Variants in RYR1 observed in about 807,000 individuals in gnomAD.
The protein encoded by RYR1 is central core disease of muscle.
A neutral mutation model predicts 583.5 loss-of-function variants in RYR1; 342 were observed. The ratio of observed to expected loss-of-function variants is 0.59; its 90% CI spans 0.54 to 0.64. The LOEUF (loss-of-function observed/expected upper bound fraction) is 0.64. Ranked by LOEUF, RYR1 falls within the 30% of genes least tolerant of loss-of-function variation. The probability of loss-of-function intolerance (pLI) is 0.00; values close to 1 mark genes in which losing one functional copy is unlikely to be tolerated. For synonymous variants in RYR1, 2,791 were observed against 2,822.5 expected (o/e 0.99, Z 0.35); for missense variants, 6,032 against 6,917.2 (o/e 0.87, Z 4.54).
Position 38,570,606 on chromosome 19 carries a change from G to A in RYR1, c.13660-1G>A. On this transcript the variant is annotated splice_acceptor_variant, in intron 93 of 105. Coordinates refer to ENST00000359596, the MANE Select transcript of RYR1 (RefSeq NM_000540.3). LOFTEE classifies it high-confidence loss of function. ...TTCTCTCTTTTTCTCTTCTCTCTCA[G>A]AACTACCTGTCCCGGAACTTTTACA... 1.2e-6 allele frequency: 2 copies of A among 1,613,328 alleles called. No individual in the cohort carries two copies. The highest frequency in any genetic ancestry group is 1.7e-6 in the Non-Finnish European group (2 of 1,179,318).
chr19:38,562,818 C>T (rs1437174813), intron 90 of RYR1, among the ~76,000 whole-genome samples: 1 of 152,250 alleles, frequency 6.6e-6, no homozygotes, highest in African/African-American at 2.4e-5. Flanking sequence ...CTTTTGGCAT[C>T]TTCCCATGCC....
chr19:38,436,328 C>G (rs989258312), intron 1 of RYR1, among the ~76,000 whole-genome samples: 1 of 152,120 alleles, frequency 6.6e-6, no homozygotes, highest in Non-Finnish European at 1.5e-5. Flanking sequence ...CCACCTCAGC[C>G]TCCTGAGTAG....
intron 97 of RYR1, 98 bp downstream of exon 97, chr19:38,576,059 G>T: frequency 1.4e-6 from 2 of 1,439,144 alleles, no homozygotes; most frequent in East Asian, 2.3e-5. Context: ...GTGACCTTGG[G>T]CAAGAGGTTT....
chr19:38,538,953 G>A (rs1972087774), intron 84 of RYR1, among the ~76,000 whole-genome samples: 1 of 152,098 alleles, frequency 6.6e-6, no homozygotes, highest in African/African-American at 2.4e-5. Context: ...TCAAGATTGT[G>A]GTTATAACCT....
At chr19:38,508,539 C>G (rs1056563481) in intron 58 of RYR1, among the ~76,000 whole-genome samples, 1 of 152,080 alleles carries the variant, frequency 6.6e-6, no homozygotes, top group Non-Finnish European at 1.5e-5. Context: ...ATAGGGTGTT[C>G]CAGAAAGACT....
chr19:38,462,656 T>C (rs1239274954), intron 20 of RYR1, among the ~76,000 whole-genome samples: 1 of 152,258 alleles, frequency 6.6e-6, no homozygotes, highest in African/African-American at 2.4e-5. Flanking sequence ...ATGATCTCAC[T>C]GAGTCCTTAT....
At chr19:38,442,607 T>C (rs1972747937) in intron 3 of RYR1, among the ~76,000 whole-genome samples, 154 bp downstream of exon 3, 1 of 152,004 alleles carries the variant, frequency 6.6e-6, no homozygotes, top group African/African-American at 2.4e-5. Context: ...CCACAGGCCC[T>C]CAATTTGGAT....
At position 38,505,923 on chromosome 19, in the gene RYR1, C is replaced by G. The variant is rs193922830; in HGVS notation, c.8518C>G (p.Arg2840Gly). 2.5e-6 allele frequency: 4 copies of G among 1,613,094 alleles called. No individual in the cohort carries two copies. The highest frequency in any genetic ancestry group is 2.5e-6 in the Non-Finnish European group (3 of 1,179,926). Residue 2840 changes from arginine (R) to glycine (G), a missense_variant, in exon 54 of 106, where the codon CGG becomes GGG. This residue lies in a region of RYR1 where 1,493 missense variants were observed against 1,715.5 expected (regional missense o/e 0.87). Transcript: ENST00000359596. ...EEEKTEKKKT[R>G]KISQSAQTYD... ...GGAGAAGACGGAAAAGAAAAAAACG[C>G]GGAAGATATCACAAAGTGCCCAGGT... is the stretch of plus-strand genomic sequence containing the variant.
chr19:38,470,141 G>C (rs1481787767), intron 27 of RYR1, among the ~76,000 whole-genome samples: 1 of 151,444 alleles, frequency 6.6e-6, no homozygotes, highest in East Asian at 1.9e-4. Context: ...ACTCCAGCCT[G>C]GGCAAGGAGA....
intron 89 of RYR1, among the ~76,000 whole-genome samples, chr19:38,549,875 T>TTG (rs150566334): frequency 0.15 from 17,988 of 121,974 alleles, 1,245 homozygotes; most frequent in Non-Finnish European, 0.17. Flanking sequence ...CCAGCTAAAT[T>TTG]TGTGTGTGTG....
Position 38,444,182 on chromosome 19 carries a change from C to G in RYR1, c.458C>G (p.Ser153Cys). The G allele has an allele frequency of 6.2e-7, 1 of 1,614,052 alleles. No homozygotes were observed. ...TGCTGGTGGACCATGCACCCAGCCT[C>G]CAAGCAGAGGTCTGAAGGAGAAAAG... is the stretch of plus-strand genomic sequence containing the variant. ...EACWWTMHPA[S>C]KQRSEGEKVR... The change falls in exon 6 of 106, where the codon TCC becomes TGC. Residue 153 changes from serine (S) to cysteine (C), a missense_variant. Around this residue, in one of 11 missense-constraint regions of RYR1, gnomAD observed 338 missense variants for 441.6 expected, o/e 0.77. Transcript: ENST00000359596. This position sits in a 1 kb window ranked among gnomAD's most constrained non-coding sequence, Gnocchi z 5.1.
In RYR1 at chr19:38,548,238, G is replaced by A. The variant is rs372447264; in HGVS notation, c.12100G>A (p.Val4034Met). The A allele has an allele frequency of 3.3e-5, 54 of 1,614,122 alleles. 1 individual carries two copies. Among genetic ancestry groups the A allele is most frequent in the South Asian group, 2.6e-4 (24 of 91,096 alleles). The change falls in exon 89 of 106, where the codon GTG becomes ATG. Residue 4034 changes from valine to methionine, a missense_variant. Val to Met is a conservative substitution (Grantham distance 21). This residue lies in a region of RYR1 where 82 missense variants were observed against 139.7 expected (regional missense o/e 0.59). Coordinates refer to ENST00000359596, the MANE Select transcript of RYR1 (RefSeq NM_000540.3). ...TGACCTGGGGCTGCCTGCAGGGAAC[G>A]TGGTGAACGGCATGATCGCCCGGCA... ...VMLLSLLEGNVVNGMIARQMV... is the reference protein window; with the variant it reads ...VMLLSLLEGNMVNGMIARQMV...
chr19:38,470,241 GAC>G (rs1968351237), intron 27 of RYR1, among the ~76,000 whole-genome samples: 1 of 151,396 alleles, frequency 6.6e-6, no homozygotes, highest in Non-Finnish European at 1.5e-5. Context: ...GACAGAGCAA[GAC>G]CCTATCTCAA....
rs1973805669 is a variant in RYR1, at chr19:38,573,256, C to T, written c.14078C>T (p.Pro4693Leu). ...GATGGCCTGTACATCACGGAGCAGC[C>T]TGAGGACGATGACGTGAAGGGGCAG... The part of the protein sequence containing the change: ...EFDGLYITEQ[P>L]EDDDVKGQWD... The change falls in exon 96 of 106, where the codon CCT (proline) becomes CTT (leucine). Residue 4693 changes from proline to leucine, a missense_variant. Pro to Leu is a moderately conservative substitution (Grantham distance 98). This residue lies in a region of RYR1 where 188 missense variants were observed against 215.6 expected (regional missense o/e 0.87). Coordinates refer to ENST00000359596, the MANE Select transcript of RYR1 (RefSeq NM_000540.3). 1.2e-6 allele frequency: 2 copies of T among 1,614,052 alleles called. No homozygotes were observed. The highest frequency in any genetic ancestry group is 2.7e-5 in the African/African-American group (2 of 75,042).
intron 9 of RYR1, among the ~76,000 whole-genome samples, chr19:38,448,153 C>T (rs970987957): frequency 1.3e-5 from 2 of 151,738 alleles, no homozygotes; most frequent in Admixed American, 6.6e-5. Flanking sequence ...GTGTCCAGGC[C>T]GGGTGCAGTG....
chr19:38,440,384 T>G (rs1972615127), intron 1 of RYR1, among the ~76,000 whole-genome samples: 1 of 152,066 alleles, frequency 6.6e-6, no homozygotes, highest in Admixed American at 6.6e-5. Context: ...ACTAAAAATA[T>G]AAAAATTAGC....
At chr19:38,482,581 G>A (rs982539009) in intron 31 of RYR1, among the ~76,000 whole-genome samples, 1 of 152,060 alleles carries the variant, frequency 6.6e-6, no homozygotes, top group African/African-American at 2.4e-5. Flanking sequence ...CTCCTGAGTA[G>A]CTGCAACTAC....
In RYR1 at chr19:38,517,539, C is replaced by G; in HGVS notation, c.9866C>G (p.Pro3289Arg). 1 of 1,613,862 alleles carries G rather than the reference C, an allele frequency of 6.2e-7. No individual in the cohort carries two copies. Among genetic ancestry groups the G allele is most frequent in the South Asian group, 1.1e-5 (1 of 91,082 alleles). Residue 3289 changes from proline to arginine, a missense_variant, in exon 66 of 106, where the codon CCC (proline) becomes CGC (arginine). Physicochemically the swap from Pro to Arg is moderately radical, Grantham distance 103 (BLOSUM62 -2). This residue lies in a region of RYR1 where 1,493 missense variants were observed against 1,715.5 expected (regional missense o/e 0.87). Transcript: ENST00000359596. ...CTGCCCCGATGGTGGGAGCGCGGGC[C>G]CGAGGCACCCCCTTCCGCCCTGCCC... ...SYLPRWWERG[P>R]EAPPSALPAG...
In RYR1 at chr19:38,444,721, C is replaced by A; in HGVS notation, c.631+44C>A. 1.4e-6 allele frequency: 2 copies of A among 1,434,180 alleles called. No homozygotes were observed. Among genetic ancestry groups the A allele is most frequent in the Non-Finnish European group, 1.9e-6 (2 of 1,032,736 alleles). 88.8% of individuals were successfully genotyped at this position (1,434,180 alleles called of 1,614,324 possible). ...CCCCTAAATGGAGATCCCCCCAAAA[C>A]AGACCCTTAATGTTGCCCTTCAGGC... is the stretch of plus-strand genomic sequence containing the variant. On this transcript the variant is annotated intron_variant, in intron 7 of 105. Transcript: ENST00000359596. The surrounding 1 kb of genome is among the most constrained non-coding windows in gnomAD (Gnocchi z 5.1).
Sources: allele counts gnomAD v4.1 joint callset (sites outside exome capture counted in the v4.1 genomes callset), GRCh38; gene constraint gnomAD v4.1.1; regional missense constraint gnomAD v4.1.1; non-coding constraint Gnocchi (gnomAD v3.1); transcripts MANE v1.5; gene names NCBI Gene and HGNC (gene_info 2026-07-23, HGNC 2026-07-21).